Variants in PMEPA1 observed in about 807,000 individuals in gnomAD.
PMEPA1 encodes the protein protein TMEPAI.
In PMEPA1, 11 loss-of-function variants were observed where a neutral mutation model predicts 23.0. The observed-to-expected ratio is 0.48, with a 90% CI of 0.30 to 0.79. The LOEUF is 0.79. PMEPA1 is among the 30% of genes least tolerant of loss of function. PMEPA1 has a pLI of 0.06. For synonymous variants in PMEPA1, 204 were observed against 166.4 expected (o/e 1.23, Z -1.74); for missense variants, 377 against 390.9 (o/e 0.96, Z 0.30).
At chr20:57,663,444 G>C (rs2071450461) in intron 1 of PMEPA1, among the ~76,000 whole-genome samples, 1 of 152,228 alleles carries the variant, frequency 6.6e-6, no homozygotes, top group African/African-American at 2.4e-5. Flanking sequence ...GGGGGACAGT[G>C]GGCAGCAGGA....
chr20:57,705,792 T>G (rs1002430072), intron 1 of PMEPA1, among the ~76,000 whole-genome samples: 1 of 152,166 alleles, frequency 6.6e-6, no homozygotes, highest in Non-Finnish European at 1.5e-5. Context: ...TCTGGAGACA[T>G]TTCTGGCTGT....
At chr20:57,700,319 T>C (rs1394840446) in intron 1 of PMEPA1, 1 of 354,788 alleles carries the variant, frequency 2.8e-6, no homozygotes, top group African/African-American at 2.1e-5. Context: ...TGTCAAAATG[T>C]TTATTGATCT....
At chr20:57,702,028 C>T (rs769509656) in intron 1 of PMEPA1, among the ~76,000 whole-genome samples, 1 of 152,206 alleles carries the variant, frequency 6.6e-6, no homozygotes, top group African/African-American at 2.4e-5. Flanking sequence ...GGCTGGGGGT[C>T]TCCCTAGGCG....
intron 1 of PMEPA1, among the ~76,000 whole-genome samples, chr20:57,696,080 C>T (rs1367896286): frequency 6.6e-6 from 1 of 152,196 alleles, no homozygotes; most frequent in Non-Finnish European, 1.5e-5. Flanking sequence ...CAACCTGTTA[C>T]CGACAATTTC....
At chr20:57,654,715 A>T (rs949660676) in intron 2 of PMEPA1, among the ~76,000 whole-genome samples, 1 of 152,104 alleles carries the variant, frequency 6.6e-6, no homozygotes, top group Non-Finnish European at 1.5e-5. Context: ...GTGGACAGCA[A>T]AGTCCTATGG....
At chr20:57,661,788 G>A (rs577463237) in intron 1 of PMEPA1, among the ~76,000 whole-genome samples, 3 of 152,198 alleles carry the variant, frequency 2.0e-5, no homozygotes, top group Non-Finnish European at 4.4e-5. Context: ...CATCCTAGGT[G>A]GGAATGTCAC....
chr20:57,709,385 C>T (rs1194837987), intron 1 of PMEPA1, 89 bp downstream of exon 1: 2 of 937,114 alleles, frequency 2.1e-6, no homozygotes, highest in East Asian at 1.1e-4. Context: ...AGGGGGCGCG[C>T]AGGGCCCGGA....
Position 57,704,321 on chromosome 20 carries a change from C to T in PMEPA1, c.109+5153G>A, listed in dbSNP as rs2072048409. Among the ~76,000 whole-genome samples, 1 of 152,108 alleles carries T rather than the reference C, an allele frequency of 6.6e-6. No homozygotes were observed. The highest frequency in any genetic ancestry group is 2.4e-5 in the African/African-American group (1 of 41,394). On this transcript the variant is annotated intron_variant, in intron 1 of 3. Transcript: ENST00000341744. The surrounding 1 kb of genome is among the most constrained non-coding windows in gnomAD (Gnocchi z 4.6). ...GAGTTTGCTTCCCTGAACCATGCTC[C>T]CCCAGCCTCGGGGAGCCCCTGGCAC...
At position 57,650,911 on chromosome 20, in the gene PMEPA1, A is replaced by C. The variant is rs567476264; in HGVS notation, c.*1142T>G. On this transcript the variant is annotated 3_prime_UTR_variant, in exon 4 of 4. Coordinates refer to ENST00000341744, the MANE Select transcript of PMEPA1 (RefSeq NM_020182.5). The stretch of plus-strand genomic sequence containing the variant: ...CCGGTGAACCTTTAGCCAGCTGAAC[A>C]ACCACCAAAGCGCCCTGCAGAGACA... 1.8e-4 allele frequency: 28 copies of C among 152,340 alleles called. No individual in the cohort carries two copies. The highest frequency in any genetic ancestry group is 6.3e-4 in the African/African-American group (26 of 41,568). 9.4% of individuals were successfully genotyped at this position (152,340 alleles called of 1,614,324 possible). A position where few individuals can be genotyped will look rare whatever the true frequency, so the allele number is the denominator to read the frequency against.
At chr20:57,674,206 G>T (rs192184966) in intron 1 of PMEPA1, among the ~76,000 whole-genome samples, 1 of 152,298 alleles carries the variant, frequency 6.6e-6, no homozygotes, top group East Asian at 1.9e-4. Flanking sequence ...AAAGGTGGGG[G>T]CCTGATCCAA....
At chr20:57,706,763 A>G (rs971557297) in intron 1 of PMEPA1, among the ~76,000 whole-genome samples, 5 of 152,000 alleles carry the variant, frequency 3.3e-5, no homozygotes, top group Admixed American at 6.6e-5. Context: ...TGGGTTTTGG[A>G]CCTCGGGCAA....
rs1568958002 is a variant in PMEPA1 at position 57,651,834 on chromosome 20, G to GT, written c.*218_*219insA. ...AAGACACAGCTCAACAAAGAAACGT[G>GT]GTTTTTTTTTTTCTTTTTTCTTTTT... On this transcript the variant is annotated 3_prime_UTR_variant, in exon 4 of 4. Transcript: ENST00000341744. 2 of 382,896 alleles carry GT rather than the reference G, an allele frequency of 5.2e-6. No individual in the cohort carries two copies. The highest frequency in any genetic ancestry group is 2.2e-5 in the African/African-American group (1 of 45,392). The allele number at this position is 382,896 out of a possible 1,614,324, so 23.7% of individuals were successfully genotyped here. A position where few individuals can be genotyped will look rare whatever the true frequency, so the allele number is the denominator to read the frequency against.
At chr20:57,686,527 G>A (rs2071803201) in intron 1 of PMEPA1, among the ~76,000 whole-genome samples, 1 of 152,194 alleles carries the variant, frequency 6.6e-6, no homozygotes, top group Admixed American at 6.5e-5. Context: ...TCACCTCCCT[G>A]AGCCTCAGTT....
At chr20:57,662,186 A>C (rs2071431387) in intron 1 of PMEPA1, among the ~76,000 whole-genome samples, 1 of 152,088 alleles carries the variant, frequency 6.6e-6, no homozygotes, top group African/African-American at 2.4e-5. Flanking sequence ...ACTGGGGGGT[A>C]CTCCTGGCAT....
At chr20:57,660,947 C>A (rs1203228588) in intron 1 of PMEPA1, among the ~76,000 whole-genome samples, 2 of 152,168 alleles carry the variant, frequency 1.3e-5, no homozygotes, top group Non-Finnish European at 2.9e-5. Context: ...CCAACAGACA[C>A]AAACACACAC....
intron 1 of PMEPA1, among the ~76,000 whole-genome samples, chr20:57,680,657 G>A (rs1600653719): frequency 6.6e-6 from 1 of 152,228 alleles, no homozygotes; most frequent in Admixed American, 6.5e-5. Context: ...GACAGAAGCA[G>A]GGACTGAAAC....
chr20:57,668,455 A>T (rs1358047381), intron 1 of PMEPA1, among the ~76,000 whole-genome samples: 1 of 152,092 alleles, frequency 6.6e-6, no homozygotes, highest in Non-Finnish European at 1.5e-5. Context: ...CCCGGATGGA[A>T]CCTCTTGAGT....
chr20:57,678,096 T>C (rs1416481980), intron 1 of PMEPA1, among the ~76,000 whole-genome samples: 1 of 152,186 alleles, frequency 6.6e-6, no homozygotes, highest in Non-Finnish European at 1.5e-5. Flanking sequence ...ATGGGACTGT[T>C]GTGTCTTGAC....
chr20:57,690,124 C>T (rs74522415), intron 1 of PMEPA1, among the ~76,000 whole-genome samples: 4 of 152,374 alleles, frequency 2.6e-5, no homozygotes, highest in East Asian at 1.9e-4. Flanking sequence ...CCAGATCTAA[C>T]CTTCCCACCT....
Sources: allele counts gnomAD v4.1 joint callset (sites outside exome capture counted in the v4.1 genomes callset), GRCh38; gene constraint gnomAD v4.1.1; non-coding constraint Gnocchi (gnomAD v3.1); transcripts MANE v1.5; gene names NCBI Gene and HGNC (gene_info 2026-07-23, HGNC 2026-07-21).